Variants in TRPM7 observed in about 807,000 individuals in gnomAD.
TRPM7 encodes the protein LTRPC ion channel family member 7.
TRPM7 carries 134 observed loss-of-function variants against 229.7 expected under a neutral mutation model. The ratio of observed to expected loss-of-function variants is 0.58; its 90% confidence interval spans 0.51 to 0.67. The LOEUF (loss-of-function observed/expected upper bound fraction) is 0.67. Ranked by LOEUF, TRPM7 falls within the 30% of genes least tolerant of loss-of-function variation. TRPM7 has a pLI of 0.00. For missense variants in TRPM7, 1,901 were observed against 2,210.0 expected (o/e 0.86, Z 2.80); for synonymous variants, 699 against 715.2 (o/e 0.98, Z 0.36).
chr15:50,628,311 A>C (rs1596246444), intron 10 of TRPM7, 62 bp from the exon 11 acceptor site: 8 of 1,237,082 alleles, frequency 6.5e-6, no homozygotes, highest in East Asian at 2.4e-5. Context: ...AAAGGTGAAC[A>C]CTTTTTTTTT....
chr15:50,592,194 C>G lies in TRPM7; in HGVS notation c.4041G>C (p.Glu1347Asp), dbSNP rs1458989900. Residue 1347 changes from glutamate to aspartate, a missense_variant, in exon 26 of 39, where the codon GAG becomes GAC. This residue lies in a region of TRPM7 where 533 missense variants were observed against 497.1 expected (regional missense o/e 1.07). Coordinates refer to ENST00000646667, the MANE Select transcript of TRPM7 (RefSeq NM_017672.6). Reference sequence around the variant, plus strand: ...ATAAGGCACCAGAAGAGGAACCAGCCTCTGGAAAATTAAATTCTTTTCTCT... The same window carrying G: ...ATAAGGCACCAGAAGAGGAACCAGCGTCTGGAAAATTAAATTCTTTTCTCT... ...VPQRKEFNFP[E>D]AGSSSGALFP... The G allele has an allele frequency of 6.2e-7, 1 of 1,614,124 alleles. No homozygotes were observed.
Position 50,643,439 on chromosome 15 carries a change from A to C in TRPM7, c.436T>G (p.Phe146Val). The C allele has an allele frequency of 6.2e-7, 1 of 1,614,194 alleles. No individual in the cohort carries two copies. The highest frequency in any genetic ancestry group is 8.5e-7 in the Non-Finnish European group (1 of 1,180,028). The change falls in exon 5 of 39, where the codon TTT becomes GTT. Residue 146 changes from phenylalanine (F) to valine (V), a missense_variant. Around this residue, in one of 8 missense-constraint regions of TRPM7, gnomAD observed 794 missense variants for 881.9 expected, o/e 0.90. Coordinates refer to ENST00000646667, the MANE Select transcript of TRPM7 (RefSeq NM_017672.6). ...VISVHGGMQK[F>V]ELHPRIKQLL... is the part of the protein sequence containing the mutation. ...TGCTTGATTCGTGGGTGAAGCTCAAATTTCTGCATGCCCCCATGTACAGAG... is the reference window on the plus strand; with the variant it reads ...TGCTTGATTCGTGGGTGAAGCTCAACTTTCTGCATGCCCCCATGTACAGAG...
At chr15:50,672,126 C>T (rs1471311639) in intron 1 of TRPM7, among the ~76,000 whole-genome samples, 1 of 152,106 alleles carries the variant, frequency 6.6e-6, no homozygotes, top group Non-Finnish European at 1.5e-5. Flanking sequence ...ATGATCTTGG[C>T]TCACTGCAAG....
chr15:50,630,529 C>T (rs1332459120), intron 10 of TRPM7, among the ~76,000 whole-genome samples: 1 of 151,956 alleles, frequency 6.6e-6, no homozygotes, highest in Admixed American at 6.6e-5. Context: ...TGTGTGTGTG[C>T]TTCAATCCCT....
chr15:50,600,452 A>AG (rs2059749217), intron 21 of TRPM7, among the ~76,000 whole-genome samples: 1 of 151,514 alleles, frequency 6.6e-6, no homozygotes, highest in Admixed American at 6.6e-5. Context: ...AAAAAAAAAA[A>AG]GGGAATATAC....
intron 21 of TRPM7, among the ~76,000 whole-genome samples, chr15:50,600,857 CA>C (rs1170839315): frequency 6.6e-6 from 1 of 152,088 alleles, no homozygotes; most frequent in Non-Finnish European, 1.5e-5. Flanking sequence ...GTTAGATGAA[CA>C]AATAAATTTT....
chr15:50,634,540 G>T lies in TRPM7; in HGVS notation c.849C>A (p.Val283=), dbSNP rs765688642. 7 of 1,490,024 alleles carry T rather than the reference G, an allele frequency of 4.7e-6. No individual in the cohort carries two copies. In the Admixed American group the frequency reaches 1.4e-4, roughly 30 times the overall value. The allele number at this position is 1,490,024 out of a possible 1,614,324, so 92.3% of individuals were successfully genotyped here. ...QRIHARIGQG[V]PVVALIFEGG... is the part of the protein sequence containing the mutation. ...CCTCAAATATAAGTGCCACCACAGG[G>T]ACACCCTGGCCAATCCCTAAAAAGA... The change falls in exon 8 of 39, where the codon GTC becomes GTA. Residue 283 remains valine (V), a synonymous_variant. Coordinates refer to ENST00000646667, the MANE Select transcript of TRPM7 (RefSeq NM_017672.6).
rs1190667314 is a variant in TRPM7, at chr15:50,619,665, A to G, written c.1494+80T>C. Reference sequence around the variant, plus strand: ...ATTGGTATTTCTAAAATGTATTTAAATGATTTTTTTTTTAAAAAACATGAA... The same window carrying G: ...ATTGGTATTTCTAAAATGTATTTAAGTGATTTTTTTTTTAAAAAACATGAA... On this transcript the variant is annotated intron_variant, in intron 13 of 38. Coordinates refer to ENST00000646667, the MANE Select transcript of TRPM7 (RefSeq NM_017672.6). 2.5e-6 allele frequency: 3 copies of G among 1,180,216 alleles called. No individual in the cohort carries two copies. In the African/African-American group the frequency reaches 4.9e-5, roughly 19 times the overall value. 73.1% of individuals were successfully genotyped at this position (1,180,216 alleles called of 1,614,324 possible).
intron 12 of TRPM7, among the ~76,000 whole-genome samples, chr15:50,623,400 G>C (rs1318412045): frequency 7.1e-6 from 1 of 139,920 alleles, no homozygotes; most frequent in African/African-American, 2.6e-5. Context: ...GACAGAGCGA[G>C]ATTCTGTCAA....
chr15:50,602,353 G>A (rs995534021), intron 21 of TRPM7, among the ~76,000 whole-genome samples: 2 of 151,946 alleles, frequency 1.3e-5, no homozygotes, highest in Non-Finnish European at 2.9e-5. Context: ...TGGACACAGG[G>A]TAGGGAACAT....
In TRPM7 at chr15:50,619,792, C is replaced by T. The variant is rs760032905; in HGVS notation, c.1447G>A (p.Gly483Ser). The T allele has an allele frequency of 6.2e-7, 1 of 1,601,492 alleles. No individual in the cohort carries two copies. Among genetic ancestry groups the T allele is most frequent in the Non-Finnish European group, 8.5e-7 (1 of 1,176,440 alleles). The part of the protein sequence containing the change: ...RLEELYNTKQ[G>S]PTNPMLFHLV... ...TGAAACAGCATTGGATTAGTTGGAC[C>T]TTGTTTCTTTAGGGAGAAAAAGTTA... Residue 483 changes from glycine (G) to serine (S), a missense_variant, in exon 13 of 39, where the codon GGT (glycine) becomes AGT (serine). Physicochemically the swap from Gly to Ser is moderately conservative, Grantham distance 56. Transcript: ENST00000646667.
At chr15:50,596,160 A>G (rs2059625195) in intron 23 of TRPM7, 95 bp downstream of exon 23, 1 of 878,156 alleles carries the variant, frequency 1.1e-6, no homozygotes, top group African/African-American at 1.8e-5. Flanking sequence ...AGCCTCAATA[A>G]AATTTTTAGA....
At chr15:50,636,794 T>C (rs1391566651) in intron 7 of TRPM7, among the ~76,000 whole-genome samples, 1 of 152,108 alleles carries the variant, frequency 6.6e-6, no homozygotes, top group Non-Finnish European at 1.5e-5. Context: ...TAGTTTTCAA[T>C]CTTGAATTTC....
intron 27 of TRPM7, among the ~76,000 whole-genome samples, chr15:50,589,006 T>C (rs1282307346): frequency 1.3e-5 from 2 of 151,904 alleles, no homozygotes; most frequent in African/African-American, 2.4e-5. Flanking sequence ...GTGGAAAACA[T>C]ATGGGGAGAA....
chr15:50,624,588 T>C (rs2060505069), intron 11 of TRPM7, among the ~76,000 whole-genome samples: 1 of 152,170 alleles, frequency 6.6e-6, no homozygotes, highest in South Asian at 2.1e-4. Flanking sequence ...AATTAAATCT[T>C]GGGAAAGAAT....
At chr15:50,635,720 C>T (rs2060882286) in intron 7 of TRPM7, among the ~76,000 whole-genome samples, 1 of 145,624 alleles carries the variant, frequency 6.9e-6, no homozygotes, top group African/African-American at 2.6e-5. Context: ...TGGCTCATGC[C>T]TGTAATTGCA....
chr15:50,679,341 A>G, intron 1 of TRPM7, among the ~76,000 whole-genome samples: 1 of 149,070 alleles, frequency 6.7e-6, no homozygotes, highest in Middle Eastern at 3.5e-3. Flanking sequence ...TCCAAAAAAA[A>G]CAAAACAGAA....
chr15:50,608,353 CTGTCTTT>C (rs1566998393), intron 19 of TRPM7, among the ~76,000 whole-genome samples: 1 of 151,900 alleles, frequency 6.6e-6, no homozygotes, highest in African/African-American at 2.4e-5. Context: ...ATCCTCTCAT[CTGTCTTT>C]TATTTATTTC....
At chr15:50,648,019 A>G (rs1484623398) in intron 4 of TRPM7, among the ~76,000 whole-genome samples, 1 of 152,220 alleles carries the variant, frequency 6.6e-6, no homozygotes, top group African/African-American at 2.4e-5. Context: ...GCCTCAAGCC[A>G]TCCTTCCACC....
Sources: gnomAD v4.1 joint callset for allele counts (sites outside exome capture counted in the v4.1 genomes callset) on GRCh38, gnomAD v4.1.1 for gene constraint, gnomAD v4.1.1 regional missense constraint, MANE v1.5 for transcripts, NCBI Gene and HGNC (gene_info 2026-07-23, HGNC 2026-07-21) for gene names.